Variants in DSCAM observed in about 807,000 individuals in gnomAD.
DSCAM encodes the protein DS cell adhesion molecule.
In DSCAM, 47 loss-of-function variants were observed where a neutral mutation model predicts 217.7. That is an observed-to-expected ratio of 0.22 (90% confidence interval 0.17 to 0.28). The LOEUF is 0.28. DSCAM is among the 10% of genes least tolerant of loss of function. The pLI is 1.00. For missense variants in DSCAM, 2,080 were observed against 2,618.3 expected, an observed-to-expected ratio of 0.79 and a Z score of 4.49; for synonymous variants, 1,056 against 1,015.3, an observed-to-expected ratio of 1.04 and a Z score of -0.76.
chr21:40,457,885 C>A (rs947890670), intron 3 of DSCAM, among the ~76,000 whole-genome samples: 1 of 152,130 alleles, frequency 6.6e-6, no homozygotes, highest in Admixed American at 6.5e-5. Context: ...TTCTGAGTAG[C>A]AGACACAGTT....
intron 3 of DSCAM, among the ~76,000 whole-genome samples, chr21:40,494,467 A>T (rs2076101353): frequency 6.6e-6 from 1 of 152,178 alleles, no homozygotes; most frequent in Admixed American, 6.5e-5. Context: ...ACATACATGG[A>T]AATTAAACAT....
Position 40,083,966 on chromosome 21 carries a change from C to A in DSCAM, c.4173G>T (p.Thr1391=), listed in dbSNP as rs765940317. 3.1e-6 allele frequency: 5 copies of A among 1,613,712 alleles called. No homozygotes were observed. The highest frequency in any genetic ancestry group is 1.7e-5 in the Admixed American group (1 of 59,924). ...GCCAAGAAAGGGTGATGGAGGAAGA[C>A]GTGGTCTTGGAGACTGTAAGCCGAG... The part of the protein sequence containing the change: ...DQPRLTVSKT[T]SSSITLSWLP... Residue 1391 remains threonine (T), a synonymous_variant, in exon 24 of 33, where the codon ACG becomes ACT. Transcript: ENST00000400454.
chr21:40,373,747 C>T (rs1041900973), intron 3 of DSCAM, among the ~76,000 whole-genome samples: 6 of 152,166 alleles, frequency 3.9e-5, no homozygotes, highest in African/African-American at 1.4e-4. Flanking sequence ...ATAAGCTCAT[C>T]CACTTTGAGA....
chr21:40,319,227 C>T (rs920579073), intron 8 of DSCAM, among the ~76,000 whole-genome samples: 23 of 152,032 alleles, frequency 1.5e-4, no homozygotes, highest in African/African-American at 5.6e-4. Flanking sequence ...AGTATACCTC[C>T]TTTAGGGGAG....
intron 3 of DSCAM, among the ~76,000 whole-genome samples, chr21:40,554,446 C>T (rs1007505339): frequency 2.0e-5 from 3 of 152,118 alleles, no homozygotes; most frequent in Admixed American, 6.5e-5. Flanking sequence ...TGGACCTAGC[C>T]TTTCAGGGAC....
intron 18 of DSCAM, among the ~76,000 whole-genome samples, chr21:40,140,786 T>C (rs2090280314): frequency 6.6e-6 from 1 of 152,168 alleles, no homozygotes; most frequent in Non-Finnish European, 1.5e-5. Flanking sequence ...TGTCCCTTCT[T>C]GGGTCTGTGG....
chr21:40,238,472 G>GA (rs2073106785), intron 11 of DSCAM, among the ~76,000 whole-genome samples: 1 of 152,178 alleles, frequency 6.6e-6, no homozygotes, highest in Non-Finnish European at 1.5e-5. Flanking sequence ...GCCTAACAGC[G>GA]AGTAGGAGAG....
chr21:40,228,406 C>G (rs1229723105), intron 11 of DSCAM, among the ~76,000 whole-genome samples: 1 of 152,116 alleles, frequency 6.6e-6, no homozygotes, highest in African/African-American at 2.4e-5. Flanking sequence ...TTTATTCAAT[C>G]ATTTATATCA....
intron 3 of DSCAM, among the ~76,000 whole-genome samples, chr21:40,393,959 T>C (rs906576876): frequency 6.6e-6 from 1 of 152,246 alleles, no homozygotes; most frequent in Non-Finnish European, 1.5e-5. Context: ...ACCATTATAA[T>C]TAAAATAAGT....
At chr21:40,806,789 G>A (rs1484378728) in intron 1 of DSCAM, among the ~76,000 whole-genome samples, 2 of 152,114 alleles carry the variant, frequency 1.3e-5, no homozygotes, top group Non-Finnish European at 2.9e-5. Context: ...CATATAAAAC[G>A]ATGAGTTCAT....
intron 3 of DSCAM, among the ~76,000 whole-genome samples, chr21:40,524,666 T>C (rs555073962): frequency 6.6e-6 from 1 of 152,180 alleles, no homozygotes; most frequent in Admixed American, 6.5e-5. Flanking sequence ...CAGGGAAAAC[T>C]TTTTTTAAAA....
At chr21:40,597,027 T>C (rs898321215) in intron 3 of DSCAM, among the ~76,000 whole-genome samples, 1 of 152,216 alleles carries the variant, frequency 6.6e-6, no homozygotes, top group African/African-American at 2.4e-5. Context: ...ATAAACTCAT[T>C]TGTAATTAAG....
chr21:40,709,341 C>T (rs1568996342), intron 1 of DSCAM, among the ~76,000 whole-genome samples: 3 of 152,096 alleles, frequency 2.0e-5, no homozygotes, highest in Admixed American at 6.6e-5. Flanking sequence ...ATATGTAAAA[C>T]ATTTTATTTT....
chr21:40,234,493 G>T (rs1423707255), intron 11 of DSCAM, among the ~76,000 whole-genome samples: 1 of 152,186 alleles, frequency 6.6e-6, no homozygotes, highest in Non-Finnish European at 1.5e-5. Context: ...TCCATACTTG[G>T]TAATGTTGAG....
At chr21:40,680,758 T>A (rs1328981204) in intron 3 of DSCAM, among the ~76,000 whole-genome samples, 2 of 152,246 alleles carry the variant, frequency 1.3e-5, no homozygotes, top group East Asian at 3.8e-4. Context: ...ACTTCTCCCA[T>A]ACATGAGCCT....
chr21:40,242,916 C>A (rs1411718818), intron 11 of DSCAM, among the ~76,000 whole-genome samples: 1 of 152,236 alleles, frequency 6.6e-6, no homozygotes, highest in Non-Finnish European at 1.5e-5. Context: ...ACCTCACGTA[C>A]AGCTCTTCCA....
In DSCAM at chr21:40,121,507, C is replaced by T. The variant is rs577283794; in HGVS notation, c.3696+2688G>A. Among the ~76,000 whole-genome samples the T allele has an allele frequency of 2.0e-5, 3 of 152,048 alleles. No homozygotes were observed. In the South Asian group the frequency reaches 6.2e-4, roughly 32 times the overall value. ...ATTAAGATGCTCTGGGGTTCTGGGA[C>T]CTCCTTGTAACACTTTCTAGGTATT... On this transcript the variant is annotated intron_variant, in intron 20 of 32. Transcript: ENST00000400454.
intron 15 of DSCAM, among the ~76,000 whole-genome samples, chr21:40,169,178 A>G (rs1450943508): frequency 6.6e-6 from 1 of 152,134 alleles, no homozygotes; most frequent in Non-Finnish European, 1.5e-5. Context: ...AGGAGGGCAG[A>G]GCGACGGGAG....
At chr21:40,488,001 A>T (rs1316520752) in intron 3 of DSCAM, among the ~76,000 whole-genome samples, 2 of 152,210 alleles carry the variant, frequency 1.3e-5, no homozygotes, top group Non-Finnish European at 2.9e-5. Flanking sequence ...ATCTTATGAA[A>T]ACACAGGCAC....
Sources: allele counts gnomAD v4.1 joint callset (sites outside exome capture counted in the v4.1 genomes callset), GRCh38; gene constraint gnomAD v4.1.1; transcripts MANE v1.5; gene names NCBI Gene and HGNC (gene_info 2026-07-23, HGNC 2026-07-21).